Variants in SLC39A10 observed in about 807,000 individuals in gnomAD.
The protein encoded by SLC39A10 is zinc transporter ZIP10.
A neutral mutation model predicts 65.1 loss-of-function variants in SLC39A10; 13 were observed. That is an observed-to-expected ratio of 0.20 (90% CI 0.13 to 0.32). The LOEUF is 0.32. Ranked by LOEUF, SLC39A10 falls within the 10% of genes least tolerant of loss-of-function variation. SLC39A10 has a pLI of 1.00. For missense variants in SLC39A10, 831 were observed against 1,018.4 expected, an observed-to-expected ratio of 0.82 and a Z score of 2.50; for synonymous variants, 321 against 342.2, an observed-to-expected ratio of 0.94 and a Z score of 0.68.
chr2:195,697,492 A>C (rs1443766584), intron 3 of SLC39A10, among the ~76,000 whole-genome samples: 5 of 151,950 alleles, frequency 3.3e-5, no homozygotes, highest in Non-Finnish European at 7.4e-5. Context: ...TATATAGGTA[A>C]ATTTGTGTCA....
chr2:195,644,890 CTTTATTTA>C (rs55931319), intron 2 of SLC39A10, among the ~76,000 whole-genome samples: 112 of 138,218 alleles, frequency 8.1e-4, no homozygotes, highest in African/African-American at 2.8e-3. Context: ...AATCTAACTA[CTTTATTTA>C]TTTATTTATT....
chr2:195,640,506 A>T (rs2105704684), intron 2 of SLC39A10, among the ~76,000 whole-genome samples: 1 of 152,224 alleles, frequency 6.6e-6, no homozygotes. Flanking sequence ...TTTTTTTTAA[A>T]CAGGGAGTAA....
chr2:195,672,488 G>A (rs1457584045), intron 1 of SLC39A10, among the ~76,000 whole-genome samples: 1 of 152,096 alleles, frequency 6.6e-6, no homozygotes. Flanking sequence ...AAGTTGCAAA[G>A]TTAGTGAATG....
chr2:195,620,015 C>T (rs558308781), intron 2 of SLC39A10, among the ~76,000 whole-genome samples: 215 of 152,238 alleles, frequency 1.4e-3, no homozygotes, highest in African/African-American at 4.5e-3. Context: ...CTCTGCCTCC[C>T]GGGCTCAAGC....
chr2:195,630,605 G>C (rs180858353), intron 2 of SLC39A10, among the ~76,000 whole-genome samples: 2 of 152,204 alleles, frequency 1.3e-5, no homozygotes, highest in African/African-American at 4.8e-5. Context: ...CTGCCAGAGA[G>C]GCCTAACACA....
chr2:195,708,106 T>C (rs1263349983), intron 4 of SLC39A10, among the ~76,000 whole-genome samples: 1 of 152,126 alleles, frequency 6.6e-6, no homozygotes, highest in Non-Finnish European at 1.5e-5. Flanking sequence ...TGAAATAATT[T>C]TATAAGAGAA....
chr2:195,662,654 A>C (rs182430322), intron 1 of SLC39A10, among the ~76,000 whole-genome samples: 2 of 152,126 alleles, frequency 1.3e-5, no homozygotes, highest in Non-Finnish European at 2.9e-5. Context: ...GCTTTTTTCT[A>C]AATTCACTTT....
At chr2:195,719,545 G>C (rs987408891) in intron 8 of SLC39A10, among the ~76,000 whole-genome samples, 3 of 151,872 alleles carry the variant, frequency 2.0e-5, no homozygotes, top group Non-Finnish European at 4.4e-5. Flanking sequence ...TGCTAAAGCA[G>C]TATGATTTCC....
chr2:195,679,248 ATG>A (rs33998958), intron 1 of SLC39A10, among the ~76,000 whole-genome samples: 105,222 of 151,842 alleles, frequency 0.69, 36,920 homozygotes, highest in Non-Finnish European at 0.73. Flanking sequence ...TTTTGTAATG[ATG>A]TGTGAGGTAA....
At chr2:195,629,827 A>G (rs1199418698) in intron 2 of SLC39A10, among the ~76,000 whole-genome samples, 1 of 152,130 alleles carries the variant, frequency 6.6e-6, no homozygotes, top group African/African-American at 2.4e-5. Flanking sequence ...AACTCCTGGG[A>G]TCAAGCAATC....
chr2:195,714,988 G>A (rs1056711701), intron 6 of SLC39A10, among the ~76,000 whole-genome samples: 9 of 151,980 alleles, frequency 5.9e-5, no homozygotes, highest in Admixed American at 5.2e-4. Flanking sequence ...TCCTGACCTC[G>A]TGATTCGCCT....
At position 195,620,187 on chromosome 2, in the gene SLC39A10, G is replaced by A. The variant is rs576192862; in HGVS notation, c.-12+13954G>A. 9.3e-4 allele frequency among the ~76,000 whole-genome samples: 141 copies of A among 152,184 alleles called. 2 individuals are homozygous for A. Among genetic ancestry groups the A allele is most frequent in the Non-Finnish European group, 3.1e-4 (21 of 68,016 alleles). On this transcript the variant is annotated intron_variant, in intron 2 of 2. Coordinates refer to the SLC39A10 transcript ENST00000458054. ...GATCCCCCCGCCTTGGCCTCCCAAAGTGCTGGGATTACAGACATAAGCCAC... is the reference window on the plus strand; with the variant it reads ...GATCCCCCCGCCTTGGCCTCCCAAAATGCTGGGATTACAGACATAAGCCAC...
chr2:195,731,803 A>G (rs1436133228), intron 9 of SLC39A10, among the ~76,000 whole-genome samples: 1 of 152,226 alleles, frequency 6.6e-6, no homozygotes, highest in Non-Finnish European at 1.5e-5. Context: ...TATTAGAAGC[A>G]AGGGGAAGGG....
intron 1 of SLC39A10, among the ~76,000 whole-genome samples, chr2:195,662,989 A>C (rs1689466508): frequency 6.6e-6 from 1 of 152,180 alleles, no homozygotes; most frequent in South Asian, 2.1e-4. Context: ...TGCAGAGGGA[A>C]TTATGCTTTA....
At chr2:195,719,985 T>C (rs1416252344) in intron 8 of SLC39A10, among the ~76,000 whole-genome samples, 2 of 152,154 alleles carry the variant, frequency 1.3e-5, no homozygotes, top group African/African-American at 4.8e-5. Flanking sequence ...AGACGGGGTT[T>C]CTCCATGTTG....
chr2:195,638,567 C>T (rs1180450451), intron 2 of SLC39A10, among the ~76,000 whole-genome samples: 3 of 152,048 alleles, frequency 2.0e-5, no homozygotes, highest in Admixed American at 2.0e-4. Context: ...TGGTCTCGAA[C>T]TCCTGACCTC....
chr2:195,638,768 T>A (rs1458772577), intron 2 of SLC39A10, among the ~76,000 whole-genome samples: 1 of 152,224 alleles, frequency 6.6e-6, no homozygotes, highest in East Asian at 1.9e-4. Context: ...TATGAACCAA[T>A]ATTGATATAC....
intron 1 of SLC39A10, among the ~76,000 whole-genome samples, chr2:195,676,936 T>A (rs1331637545): frequency 1.4e-5 from 2 of 143,352 alleles, no homozygotes; most frequent in Non-Finnish European, 3.1e-5. Context: ...GTTTTTCAGT[T>A]CTTTGCTGTC....
chr2:195,721,477 A>C (rs563180611), intron 8 of SLC39A10, among the ~76,000 whole-genome samples: 19 of 148,014 alleles, frequency 1.3e-4, no homozygotes, highest in African/African-American at 4.7e-4. Context: ...CTTTTACCTC[A>C]TGCCTTGGAT....
Sources: gnomAD v4.1 joint callset for allele counts (sites outside exome capture counted in the v4.1 genomes callset) on GRCh38, gnomAD v4.1.1 for gene constraint, MANE v1.5 for transcripts, NCBI Gene and HGNC (gene_info 2026-07-23, HGNC 2026-07-21) for gene names.